BLTP1: variants seen among roughly 807,000 people sequenced by gnomAD.
BLTP1 encodes bridge-like lipid transfer protein family member 1, also known as fragile site-associated protein.
the BLTP1 span, among the ~76,000 whole-genome samples, chr4:122,346,196 T>G: frequency 6.6e-6 from 1 of 152,124 alleles, no homozygotes; most frequent in African/African-American, 2.4e-5. Context: ...CATCAAAATG[T>G]TTTTTGTCTA....
the BLTP1 span, among the ~76,000 whole-genome samples, chr4:122,301,903 A>G: frequency 6.6e-6 from 1 of 152,188 alleles, no homozygotes. Flanking sequence ...CTCTACAAAA[A>G]ATTTGAAAAA....
the BLTP1 span, chr4:122,348,946 G>T: frequency 0.31 from 163,734 of 531,758 alleles, 26,774 homozygotes; most frequent in South Asian, 0.5. Flanking sequence ...AGGAGAACAG[G>T]GTAATTTTCT....
At chr4:122,167,958 A>G in the BLTP1 span, 39 of 898,610 alleles carry the variant, frequency 4.3e-5, no homozygotes, top group Non-Finnish European at 4.7e-5. Context: ...ACTATTAAGG[A>G]ATTGGTGATA....
chr4:122,310,929 CAACAGAAATCTTTATAG>C, the BLTP1 span: 1 of 940,376 alleles, frequency 1.1e-6, no homozygotes, highest in Admixed American at 6.2e-5. Context: ...TATCAGCCTA[CAACAGAAATCTTTATAG>C]ATTTATTATT....
At chr4:122,255,678 A>G in the BLTP1 span, among the ~76,000 whole-genome samples, 3 of 152,138 alleles carry the variant, frequency 2.0e-5, no homozygotes. Context: ...ATACAAGTCT[A>G]TAGACAAAGA....
chr4:122,188,825 T>G, the BLTP1 span: 1 of 380,718 alleles, frequency 2.6e-6, no homozygotes. Context: ...CTTTTATCTT[T>G]GTGTGTAGGT....
chr4:122,323,044 C>T, the BLTP1 span, among the ~76,000 whole-genome samples: 645 of 152,168 alleles, frequency 4.2e-3, 2 homozygotes, highest in African/African-American at 0.014. Flanking sequence ...GCAGGGGCAC[C>T]GGTGACTGGG....
At chr4:122,274,955 C>T in the BLTP1 span, among the ~76,000 whole-genome samples, 9 of 152,166 alleles carry the variant, frequency 5.9e-5, no homozygotes, top group African/African-American at 2.2e-4. Context: ...CCATAGCTTT[C>T]TGCAATGAGT....
chr4:122,305,931 A>G, the BLTP1 span: 8 of 1,610,746 alleles, frequency 5.0e-6, no homozygotes, highest in Non-Finnish European at 6.8e-6. Context: ...TAAAACCAGA[A>G]TTGGATTAAG....
the BLTP1 span, chr4:122,286,788 A>G: frequency 6.2e-7 from 1 of 1,604,384 alleles, no homozygotes; most frequent in Non-Finnish European, 8.5e-7. Flanking sequence ...TGGCAGAAGT[A>G]AGTTTACTTT....
the BLTP1 span, chr4:122,347,601 C>A: frequency 6.2e-7 from 1 of 1,613,852 alleles, no homozygotes; most frequent in Non-Finnish European, 8.5e-7. Context: ...AAGCTTACTG[C>A]AAGACCTGGG....
At chr4:122,343,326 G>A in the BLTP1 span, 1 of 1,542,796 alleles carries the variant, frequency 6.5e-7, no homozygotes, top group Non-Finnish European at 8.8e-7. Context: ...TTATTCTGAA[G>A]TCATGTCTGG....
At chr4:122,183,118 T>G in the BLTP1 span, 1 of 705,320 alleles carries the variant, frequency 1.4e-6, no homozygotes, top group African/African-American at 1.9e-5. Context: ...GGAGGATTGC[T>G]TGAGCCCAGA....
the BLTP1 span, chr4:122,334,568 ATTTT>A: frequency 1.3e-6 from 2 of 1,593,932 alleles, no homozygotes; most frequent in Admixed American, 3.5e-5. Context: ...TATATACTTT[ATTTT>A]TTGTCATTTT....
the BLTP1 span, chr4:122,219,082 A>G: frequency 1.1e-6 from 1 of 931,840 alleles, no homozygotes; most frequent in Non-Finnish European, 1.3e-6. Context: ...TTTTGCTGTA[A>G]TTGGGGCAAT....
At chr4:122,227,041 A>G in the BLTP1 span, 1 of 549,230 alleles carries the variant, frequency 1.8e-6, no homozygotes. Flanking sequence ...ACAAATTAAA[A>G]AAGAAACAGA....
chr4:122,336,379 C>T, the BLTP1 span: 1 of 1,444,382 alleles, frequency 6.9e-7, no homozygotes, highest in Non-Finnish European at 9.4e-7. Flanking sequence ...ATATACCTCC[C>T]CATAACATAT....
the BLTP1 span, chr4:122,188,962 C>T: frequency 2.2e-4 from 213 of 985,134 alleles, no homozygotes; most frequent in South Asian, 7.5e-4. Flanking sequence ...TTGAGTATCG[C>T]GGTGACTGTG....
chr4:122,271,277 A>C, the BLTP1 span: 1 of 1,614,036 alleles, frequency 6.2e-7, no homozygotes. Context: ...GATAGATGAC[A>C]TCAAAGCAAC....
Sources: gnomAD v4.1 joint callset for allele counts (sites outside exome capture counted in the v4.1 genomes callset) on GRCh38, gnomAD v4.1.1 for gene constraint, MANE v1.5 for transcripts, NCBI Gene and HGNC (gene_info 2026-07-23, HGNC 2026-07-21) for gene names.